Variants in C1orf198 observed in about 807,000 individuals in gnomAD.
C1orf198 encodes the protein chromosome 1 open reading frame 198.
In C1orf198, 17 loss-of-function variants were observed where a neutral mutation model predicts 31.4. The observed-to-expected ratio is 0.54, with a 90% CI of 0.37 to 0.81. The LOEUF (loss-of-function observed/expected upper bound fraction) is 0.81, where lower values mean the gene tolerates loss of function less well. Ranked by LOEUF, C1orf198 falls within the 40% of genes least tolerant of loss-of-function variation. The pLI, the probability that C1orf198 is intolerant of heterozygous loss-of-function variation, is 0.00. For missense variants in C1orf198, 401 were observed against 450.3 expected, an observed-to-expected ratio of 0.89 and a Z score of 0.99; for synonymous variants, 175 against 193.8, an observed-to-expected ratio of 0.90 and a Z score of 0.81.
intron 1 of C1orf198, 61 bp from the exon 2 acceptor site, chr1:230,855,779 T>A (rs886577371): frequency 1.2e-6 from 2 of 1,602,928 alleles, no homozygotes; most frequent in African/African-American, 2.7e-5. Context: ...CATGCAAATA[T>A]CCACCCAGGA....
intron 2 of C1orf198, among the ~76,000 whole-genome samples, chr1:230,848,864 T>C (rs1366568278): frequency 6.6e-6 from 1 of 152,070 alleles, no homozygotes; most frequent in African/African-American, 2.4e-5. Flanking sequence ...GGAACTATAA[T>C]AAAAACAGAC....
At chr1:230,855,258 A>G (rs987399610) in intron 2 of C1orf198, among the ~76,000 whole-genome samples, 25 of 152,228 alleles carry the variant, frequency 1.6e-4, no homozygotes, top group African/African-American at 6.0e-4. Context: ...ATGTCTATCA[A>G]TCAGCTCGTC....
chr1:230,846,823 G>A (rs1669599057), intron 2 of C1orf198, among the ~76,000 whole-genome samples: 1 of 152,130 alleles, frequency 6.6e-6, no homozygotes, highest in African/African-American at 2.4e-5. Context: ...CAGCCAGGCG[G>A]CCGGGCGCGG....
At position 230,868,226 on chromosome 1, in the gene C1orf198, C is replaced by A; in HGVS notation, c.287G>T (p.Gly96Val). The stretch of plus-strand genomic sequence containing the variant: ...CTTCTGGCCCGTGGGCCCGCGCAAG[C>A]CGGGGAAGCGCGTGAGCTCCTCCGA... ...GDSEELTRFPGLRGPTGQKVV... is the reference protein window; with the variant it reads ...GDSEELTRFPVLRGPTGQKVV... Residue 96 changes from glycine to valine, a missense_variant, in exon 1 of 4, where the codon GGC (glycine) becomes GTC (valine). Transcript: ENST00000366663. 1 of 1,543,772 alleles carries A rather than the reference C, an allele frequency of 6.5e-7. No individual in the cohort carries two copies.
intron 2 of C1orf198, among the ~76,000 whole-genome samples, chr1:230,853,173 C>T (rs575777973): frequency 5.9e-5 from 9 of 152,238 alleles, no homozygotes; most frequent in African/African-American, 9.6e-5. Context: ...AGCCCTGCTC[C>T]GATCATTGAC....
chr1:230,842,908 G>A (rs184032139), intron 3 of C1orf198, among the ~76,000 whole-genome samples: 147 of 152,336 alleles, frequency 9.6e-4, no homozygotes, highest in Non-Finnish European at 1.6e-3. Context: ...ACCCAGTGAG[G>A]CCTCTCAAGT....
chr1:230,868,585 C>T, upstream of C1orf198: 1 of 1,074,332 alleles, frequency 9.3e-7, no homozygotes, highest in Non-Finnish European at 1.1e-6. Flanking sequence ...CCCCGCGCCA[C>T]CCGGAGCCCC....
intron 1 of C1orf198, chr1:230,856,103 G>A: frequency 5.2e-6 from 3 of 575,586 alleles, no homozygotes; most frequent in Middle Eastern, 1.5e-3. Flanking sequence ...CAGCCTTTTT[G>A]AGCCTCAGTT....
At chr1:230,845,475 G>A (rs1020598895) in intron 2 of C1orf198, among the ~76,000 whole-genome samples, 2 of 152,090 alleles carry the variant, frequency 1.3e-5, no homozygotes, top group African/African-American at 2.4e-5. Flanking sequence ...CTGAGGTCAG[G>A]AGTTTCAGAG....
At position 230,839,761 on chromosome 1, in the gene C1orf198, T is replaced by C; in HGVS notation, c.*91A>G. The stretch of plus-strand genomic sequence containing the variant: ...AAAGAGTGTCAAGAAACCAGTAAAA[T>C]ACATAGGAAAAGGTGGCCCTTTTTA... On this transcript the variant is annotated 3_prime_UTR_variant, in exon 4 of 4. Coordinates refer to ENST00000366663, the MANE Select transcript of C1orf198 (RefSeq NM_032800.3). 1 of 1,095,688 alleles carries C rather than the reference T, an allele frequency of 9.1e-7. No homozygotes were observed. The allele number at this position is 1,095,688 out of a possible 1,614,324, so 67.9% of individuals were successfully genotyped here.
chr1:230,865,230 G>A (rs1254539938), intron 1 of C1orf198, among the ~76,000 whole-genome samples: 1 of 152,198 alleles, frequency 6.6e-6, no homozygotes, highest in African/African-American at 2.4e-5. Flanking sequence ...GCATGGCCAG[G>A]ACAAGAATCC....
rs1382945922 is a variant in C1orf198 at position 230,843,994 on chromosome 1, A to G, written c.385-98T>C. 7.9e-7 allele frequency: 1 copy of G among 1,260,942 alleles called. No homozygotes were observed. Among genetic ancestry groups the G allele is most frequent in the Non-Finnish European group, 1.1e-6 (1 of 925,298 alleles). 78.1% of individuals were successfully genotyped at this position (1,260,942 alleles called of 1,614,324 possible). On this transcript the variant is annotated intron_variant, in intron 2 of 3. Coordinates refer to ENST00000366663, the MANE Select transcript of C1orf198 (RefSeq NM_032800.3). The surrounding 1 kb of genome is among the most constrained non-coding windows in gnomAD (Gnocchi z 4.9). ...TCACGCACCCCTCCTCAGCATAAGG[A>G]CGCACACCAGCCACACACGAGTTGT...
rs1287465737 is a variant in C1orf198 at position 230,857,427 on chromosome 1, G to A, written c.334-1709C>T. 6.6e-6 allele frequency among the ~76,000 whole-genome samples: 1 copy of A among 152,094 alleles called. No homozygotes were observed. Among genetic ancestry groups the A allele is most frequent in the East Asian group, 1.9e-4 (1 of 5,196 alleles). The stretch of plus-strand genomic sequence containing the variant: ...GGTTGATTTTCCCCCACAATCACCC[G>A]CTCCCAACACTCACACTCCCCCAAG... On this transcript the variant is annotated intron_variant, in intron 1 of 3. Coordinates refer to ENST00000366663, the MANE Select transcript of C1orf198 (RefSeq NM_032800.3). The surrounding 1 kb of genome is among the most constrained non-coding windows in gnomAD (Gnocchi z 4.2).
At chr1:230,861,432 T>C (rs1044213737) in intron 1 of C1orf198, among the ~76,000 whole-genome samples, 1 of 152,204 alleles carries the variant, frequency 6.6e-6, no homozygotes, top group African/African-American at 2.4e-5. Context: ...TAGAAACTCA[T>C]CATTTCAATA....
At position 230,843,971 on chromosome 1, in the gene C1orf198, A is replaced by C; in HGVS notation, c.385-75T>G. 348 of 1,412,108 alleles carry C rather than the reference A, an allele frequency of 2.5e-4. No homozygotes were observed. Among genetic ancestry groups the C allele is most frequent in the Non-Finnish European group, 3.1e-4 (327 of 1,056,284 alleles). The allele number at this position is 1,412,108 out of a possible 1,614,324, so 87.5% of individuals were successfully genotyped here. On this transcript the variant is annotated intron_variant, in intron 2 of 3. Transcript: ENST00000366663. The surrounding 1 kb of genome is among the most constrained non-coding windows in gnomAD (Gnocchi z 4.9). ...TCGACCGTCACAAGTGTGCCAGCTC[A>C]CGCACCCCTCCTCAGCATAAGGACG...
chr1:230,855,730 A>T lies in C1orf198; in HGVS notation c.334-12T>A. On this transcript the variant is annotated splice_polypyrimidine_tract_variant and intron_variant, in intron 1 of 3. Coordinates refer to ENST00000366663, the MANE Select transcript of C1orf198 (RefSeq NM_032800.3). ...TGCCAAGTTAGATCCTGAAATAAAA[A>T]ATCGAGAATAAGTCTGAAATTCAAA... 6.2e-7 allele frequency: 1 copy of T among 1,613,000 alleles called. No homozygotes were observed. The highest frequency in any genetic ancestry group is 8.5e-7 in the Non-Finnish European group (1 of 1,179,266).
intron 2 of C1orf198, among the ~76,000 whole-genome samples, chr1:230,844,243 T>C (rs1046776545): frequency 6.6e-6 from 1 of 152,046 alleles, no homozygotes; most frequent in East Asian, 1.9e-4. Flanking sequence ...TGATGGTGAC[T>C]TCATGGCTTG....
chr1:230,844,015 G>A, intron 2 of C1orf198, 119 bp from the exon 3 acceptor site: 1 of 1,075,556 alleles, frequency 9.3e-7, no homozygotes, highest in Admixed American at 2.5e-5. Context: ...CCACACACGA[G>A]TTGTTGCCCA....
Position 230,868,500 on chromosome 1 carries a change from C to T in C1orf198, c.13G>A (p.Ala5Thr). The stretch of plus-strand genomic sequence containing the variant: ...GAGCGCGAAGCCGCGATCGCCGCCG[C>T]CATGGACGCCATGCCCGGCCTGCCC... Reference protein sequence around the residue: MASMAAAIAASRSAV... With the variant: MASMTAAIAASRSAV... The change falls in exon 1 of 4, where the codon GCG becomes ACG. Residue 5 changes from alanine (A) to threonine (T), a missense_variant. Transcript: ENST00000366663. 13 of 1,447,596 alleles carry T rather than the reference C, an allele frequency of 9.0e-6. No individual in the cohort carries two copies. The highest frequency in any genetic ancestry group is 1.2e-5 in the Non-Finnish European group (13 of 1,089,344). The allele number at this position is 1,447,596 out of a possible 1,614,324, so 89.7% of individuals were successfully genotyped here. A position where few individuals can be genotyped will look rare whatever the true frequency, so the allele number is the denominator to read the frequency against.
Sources: allele counts gnomAD v4.1 joint callset (sites outside exome capture counted in the v4.1 genomes callset), GRCh38; gene constraint gnomAD v4.1.1; non-coding constraint Gnocchi (gnomAD v3.1); transcripts MANE v1.5; gene names NCBI Gene and HGNC (gene_info 2026-07-23, HGNC 2026-07-21).